LVRN: variants seen among roughly 807,000 people sequenced by gnomAD.
The protein encoded by LVRN is laeverin.
Under a neutral mutation model 111.4 loss-of-function variants are expected in LVRN, and 99 were observed. That is an observed-to-expected ratio of 0.89 (90% CI 0.76 to 1.05). LVRN has a LOEUF of 1.05. LVRN is among the 50% of genes least tolerant of loss of function. The pLI is 0.00. For missense variants in LVRN, 1,414 were observed against 1,206.8 expected (o/e 1.17, Z -2.54); for synonymous variants, 488 against 449.5 (o/e 1.09, Z -1.08).
intron 5 of LVRN, 93 bp from the exon 6 acceptor site, chr5:115,993,648 T>G: frequency 1.2e-6 from 1 of 802,468 alleles, no homozygotes. Flanking sequence ...AATTATGTCT[T>G]TTGACCTTAC....
chr5:116,002,547 A>T (rs529038560), intron 10 of LVRN, among the ~76,000 whole-genome samples: 3 of 152,316 alleles, frequency 2.0e-5, no homozygotes, highest in East Asian at 3.9e-4. Flanking sequence ...ATAATTTAAC[A>T]TACACACGCC....
intron 6 of LVRN, 119 bp downstream of exon 6, chr5:115,993,973 T>A: frequency 1.9e-6 from 1 of 533,298 alleles, no homozygotes; most frequent in Non-Finnish European, 3.1e-6. Flanking sequence ...TTACCTATAA[T>A]ACCAAAAATA....
At chr5:116,018,037 G>A (rs553833046) in intron 18 of LVRN, among the ~76,000 whole-genome samples, 9 of 152,140 alleles carry the variant, frequency 5.9e-5, no homozygotes, top group African/African-American at 1.2e-4. Flanking sequence ...AAGGCAGGAC[G>A]ATCACTTTAG....
Position 116,022,439 on chromosome 5 carries a change from C to G in LVRN, c.2805C>G (p.Thr935=). The part of the protein sequence containing the change: ...LINLIYTIGR[T]VTTDLQIVEL... ...ATCTAATATATACAATAGGGAGAAC[C>G]GTAACTACAGATTTACAGATTGTGG... Residue 935 remains threonine, a synonymous_variant, in exon 19 of 20, where the codon ACC becomes ACG. Coordinates refer to ENST00000357872, the MANE Select transcript of LVRN (RefSeq NM_173800.5). 6.4e-7 allele frequency: 1 copy of G among 1,558,770 alleles called. No individual in the cohort carries two copies. Among genetic ancestry groups the G allele is most frequent in the Non-Finnish European group, 8.7e-7 (1 of 1,144,298 alleles).
chr5:115,997,043 T>C (rs1748128247), intron 6 of LVRN, among the ~76,000 whole-genome samples: 1 of 152,174 alleles, frequency 6.6e-6, no homozygotes, highest in African/African-American at 2.4e-5. Flanking sequence ...TTCTGAAGGA[T>C]AATAATAAAA....
At chr5:115,978,865 G>T (rs1296775145) in intron 1 of LVRN, among the ~76,000 whole-genome samples, 1 of 152,088 alleles carries the variant, frequency 6.6e-6, no homozygotes, top group African/African-American at 2.4e-5. Context: ...ACTTGAGCTG[G>T]CACTGTTGTC....
In LVRN at chr5:116,006,057, A is replaced by C. The variant is rs532110048; in HGVS notation, c.2093+90A>C. On this transcript the variant is annotated intron_variant, in intron 13 of 19. Transcript: ENST00000357872. ...TTCATCACTATGAATTTGATTATTT[A>C]GTCTATACAGGCCATAACTGATTAA... 2.3e-5 allele frequency: 24 copies of C among 1,065,414 alleles called. No individual in the cohort carries two copies. In the African/African-American group the frequency reaches 3.8e-4, roughly 17 times the overall value. 66.0% of individuals were successfully genotyped at this position (1,065,414 alleles called of 1,614,324 possible).
intron 18 of LVRN, among the ~76,000 whole-genome samples, chr5:116,018,828 T>G (rs565563599): frequency 1.3e-5 from 2 of 152,214 alleles, no homozygotes; most frequent in Non-Finnish European, 2.9e-5. Context: ...AAGTGACTTT[T>G]CAGTTGATTT....
chr5:116,002,830 A>G lies in LVRN; in HGVS notation c.1821-5A>G, dbSNP rs748141304. 4.4e-6 allele frequency: 7 copies of G among 1,593,078 alleles called. No homozygotes were observed. Among genetic ancestry groups the G allele is most frequent in the African/African-American group, 2.7e-5 (2 of 74,232 alleles). On this transcript the variant is annotated splice_polypyrimidine_tract_variant and splice_region_variant and intron_variant, in intron 10 of 19. Coordinates refer to ENST00000357872, the MANE Select transcript of LVRN (RefSeq NM_173800.5). ...TAACTAATTTTTTTATTTTCTTCCA[A>G]TAAGTGACACATGGATTGTCCCTAT...
At chr5:115,972,865 G>GT (rs1209296624) in intron 1 of LVRN, among the ~76,000 whole-genome samples, 1 of 151,188 alleles carries the variant, frequency 6.6e-6, no homozygotes, top group Non-Finnish European at 1.5e-5. Flanking sequence ...TGATTATATA[G>GT]TTTTTATTAT....
At position 115,963,132 on chromosome 5, in the gene LVRN, G is replaced by T; in HGVS notation, c.515G>T (p.Gly172Val). The T allele has an allele frequency of 6.2e-7, 1 of 1,613,464 alleles. No homozygotes were observed. The highest frequency in any genetic ancestry group is 8.5e-7 in the Non-Finnish European group (1 of 1,179,914). The change falls in exon 1 of 20, where the codon GGC (glycine) becomes GTC (valine). Residue 172 changes from glycine (G) to valine (V), a missense_variant. Gly to Val is a moderately radical substitution (Grantham distance 109). Transcript: ENST00000357872. Reference sequence around the variant, plus strand: ...CCGGGCACTGGGAACGCCACAGTGGGCCGCGTGCCCGTGGACGACGTGTGG... The same window carrying T: ...CCGGGCACTGGGAACGCCACAGTGGTCCGCGTGCCCGTGGACGACGTGTGG... Reference protein sequence around the residue: ...LSPGTGNATVGRVPVDDVWFA... With the variant: ...LSPGTGNATVVRVPVDDVWFA...
intron 1 of LVRN, 31 bp downstream of exon 1, chr5:115,963,343 G>A (rs760480849): frequency 1.3e-6 from 2 of 1,518,344 alleles, no homozygotes; most frequent in South Asian, 2.6e-5. Context: ...GGCCCCTCTC[G>A]GCCCCCGCCC....
intron 13 of LVRN, among the ~76,000 whole-genome samples, chr5:116,006,875 C>T (rs1158066887): frequency 6.6e-6 from 1 of 152,190 alleles, no homozygotes; most frequent in Non-Finnish European, 1.5e-5. Flanking sequence ...GTGCCTTAAA[C>T]ACTGAACTTC....
At chr5:115,965,876 C>T (rs1753191389) in intron 1 of LVRN, among the ~76,000 whole-genome samples, 1 of 152,118 alleles carries the variant, frequency 6.6e-6, no homozygotes, top group Non-Finnish European at 1.5e-5. Flanking sequence ...AATTAAACTC[C>T]TTTTCTTTAT....
chr5:115,986,715 T>C (rs896957657), intron 3 of LVRN, among the ~76,000 whole-genome samples: 28 of 152,236 alleles, frequency 1.8e-4, no homozygotes, highest in African/African-American at 6.8e-4. Context: ...AAAGTGTGGT[T>C]AATGTGTGGC....
intron 4 of LVRN, 60 bp from the exon 5 acceptor site, chr5:115,992,062 TA>T: frequency 6.7e-7 from 1 of 1,493,900 alleles, no homozygotes; most frequent in Non-Finnish European, 9.1e-7. Flanking sequence ...TTGAGATATT[TA>T]AAAAATCCCA....
chr5:115,975,654 G>A (rs926169668), intron 1 of LVRN: 1 of 154,900 alleles, frequency 6.5e-6, no homozygotes, highest in Non-Finnish European at 1.5e-5. Flanking sequence ...TTGAAAACCT[G>A]TCTTTTTAAT....
intron 1 of LVRN, among the ~76,000 whole-genome samples, chr5:115,974,281 A>C (rs1462200115): frequency 6.6e-6 from 1 of 152,156 alleles, no homozygotes; most frequent in Non-Finnish European, 1.5e-5. Flanking sequence ...TGTTCATAGG[A>C]GGTCATACCA....
intron 3 of LVRN, 40 bp downstream of exon 3, chr5:115,984,749 G>A: frequency 1.2e-6 from 2 of 1,608,862 alleles, no homozygotes; most frequent in South Asian, 1.1e-5. Flanking sequence ...AGATTGTACT[G>A]GCTGCAGATT....
Sources: allele counts gnomAD v4.1 joint callset (sites outside exome capture counted in the v4.1 genomes callset), GRCh38; gene constraint gnomAD v4.1.1; transcripts MANE v1.5; gene names NCBI Gene and HGNC (gene_info 2026-07-23, HGNC 2026-07-21).